The following EPS15L1 variants were observed in gnomAD, a reference collection of about 807,000 sequenced individuals.
EPS15L1 encodes epidermal growth factor receptor pathway substrate 15 like 1.
In EPS15L1, 43 loss-of-function variants were observed where a neutral mutation model predicts 117.1. The observed-to-expected ratio is 0.37, with a 90% CI of 0.29 to 0.47. The LOEUF is 0.47. Among genes scored for constraint, EPS15L1 ranks in the 20% least tolerant of loss-of-function variants. EPS15L1 has a pLI of 0.99. For missense variants in EPS15L1, 981 were observed against 1,164.0 expected, an observed-to-expected ratio of 0.84 and a Z score of 2.29; for synonymous variants, 459 against 470.5, an observed-to-expected ratio of 0.98 and a Z score of 0.32.
chr19:16,444,669 A>C (rs1349776190), intron 1 of EPS15L1, among the ~76,000 whole-genome samples: 3 of 152,016 alleles, frequency 2.0e-5, no homozygotes, highest in Admixed American at 2.0e-4. Context: ...CAGATGACAA[A>C]GGTGCCCTTC....
chr19:16,413,321 G>T, intron 13 of EPS15L1: 1 of 678,332 alleles, frequency 1.5e-6, no homozygotes. Flanking sequence ...CAGCACCTGT[G>T]TCCAAGAAGC....
At position 16,422,971 on chromosome 19, in the gene EPS15L1, G is replaced by A. The variant is rs200835104; in HGVS notation, c.793-1495C>T. 2.9e-3 allele frequency among the ~76,000 whole-genome samples: 291 copies of A among 100,628 alleles called. 2 individuals are homozygous for A. Among genetic ancestry groups the A allele is most frequent in the African/African-American group, 0.011 (271 of 24,658 alleles). 66.0% of individuals were successfully genotyped at this position (100,628 alleles called of 152,430 possible). On this transcript the variant is annotated intron_variant, in intron 9 of 23. Coordinates refer to ENST00000455140, the MANE Select transcript of EPS15L1 (RefSeq NM_001258374.3). ...AGACTCCGTCTCGGGGAAAAAAAAA[G>A]GGGGGGGGGATTTCTCAAAGAGTTC...
rs2092984021 is a variant in EPS15L1, at chr19:16,436,966, G to C, written c.343C>G (p.Pro115Ala). 2 of 1,614,014 alleles carry C rather than the reference G, an allele frequency of 1.2e-6. No homozygotes were observed. Among genetic ancestry groups the C allele is most frequent in the Non-Finnish European group, 1.7e-6 (2 of 1,179,972 alleles). Residue 115 changes from proline to alanine, a missense_variant, in exon 6 of 24, where the codon CCC becomes GCC. This residue lies in a region of EPS15L1 where 52 missense variants were observed against 53.1 expected (regional missense o/e 0.98). Coordinates refer to ENST00000455140, the MANE Select transcript of EPS15L1 (RefSeq NM_001258374.3). The stretch of plus-strand genomic sequence containing the variant: ...ACAGCCCAGTGGGCCTCTGCAGAGG[G>C]CGGTGTGACCATCAGAGGGCTGCTG... ...DTSSPLMVTP[P>A]SAEAHWAVRV...
intron 5 of EPS15L1, among the ~76,000 whole-genome samples, chr19:16,437,479 G>T (rs983012605): frequency 1.3e-5 from 2 of 152,210 alleles, no homozygotes; most frequent in African/African-American, 4.8e-5. Context: ...CCAGCGACTG[G>T]GAGGGGGAGA....
In EPS15L1 at chr19:16,355,610, C is replaced by G. The variant is rs1213285598; in HGVS notation, c.*95G>C. The G allele has an allele frequency of 1.4e-5, 20 of 1,403,770 alleles. No homozygotes were observed. Among genetic ancestry groups the G allele is most frequent in the Non-Finnish European group, 1.9e-5 (20 of 1,051,696 alleles). 87.0% of individuals were successfully genotyped at this position (1,403,770 alleles called of 1,614,324 possible). A position where few individuals can be genotyped will look rare whatever the true frequency, so the allele number is the denominator to read the frequency against. On this transcript the variant is annotated 3_prime_UTR_variant, in exon 24 of 24. Coordinates refer to ENST00000455140, the MANE Select transcript of EPS15L1 (RefSeq NM_001258374.3). ...CCCCCGAGTCCCGGTCCTTGGAGTA[C>G]GGTGGCGACGGTGTGTGTGTGTATA...
chr19:16,407,078 CT>C (rs1191339711), intron 13 of EPS15L1, among the ~76,000 whole-genome samples: 1 of 152,228 alleles, frequency 6.6e-6, no homozygotes, highest in Non-Finnish European at 1.5e-5. Context: ...GCCTCCTGAA[CT>C]GTGAGCAGTA....
intron 12 of EPS15L1, 39 bp downstream of exon 12, chr19:16,417,513 A>C (rs758552953): frequency 1.3e-6 from 2 of 1,531,588 alleles, no homozygotes; most frequent in Admixed American, 3.4e-5. Flanking sequence ...GAGTTCGTGT[A>C]ACATCTGGAT....
intron 10 of EPS15L1, among the ~76,000 whole-genome samples, 191 bp from the exon 11 acceptor site, chr19:16,418,295 G>C (rs763768683): frequency 6.6e-6 from 1 of 152,094 alleles, no homozygotes; most frequent in African/African-American, 2.4e-5. Flanking sequence ...CGCTCCCAGT[G>C]TCCCCCACCC....
chr19:16,400,890 T>C, intron 16 of EPS15L1: 2 of 985,368 alleles, frequency 2.0e-6, no homozygotes, highest in Non-Finnish European at 2.4e-6. Context: ...TCTAAAAACC[T>C]GCAAAAGGGA....
At chr19:16,432,343 C>T (rs1024618072) in intron 7 of EPS15L1, among the ~76,000 whole-genome samples, 12 of 151,908 alleles carry the variant, frequency 7.9e-5, no homozygotes, top group African/African-American at 2.7e-4. Context: ...CCAAGGCAGG[C>T]GGATAATGAG....
At chr19:16,420,371 T>A (rs576107384) in intron 10 of EPS15L1, among the ~76,000 whole-genome samples, 1 of 152,328 alleles carries the variant, frequency 6.6e-6, no homozygotes, top group African/African-American at 2.4e-5. Context: ...AGGAACTGTA[T>A]GTGTGTTGGT....
At chr19:16,436,185 T>C (rs1394569857) in intron 6 of EPS15L1, among the ~76,000 whole-genome samples, 1 of 152,128 alleles carries the variant, frequency 6.6e-6, no homozygotes, top group Non-Finnish European at 1.5e-5. Context: ...CGTGTAAACA[T>C]GGGACGAAAG....
In EPS15L1 at chr19:16,406,942, G is replaced by A. The variant is rs555856932; in HGVS notation, c.1267-2193C>T. Among the ~76,000 whole-genome samples, 57 of 152,318 alleles carry A rather than the reference G, an allele frequency of 3.7e-4. 1 individual carries two copies. In the South Asian group the frequency reaches 0.011, roughly 30 times the overall value. On this transcript the variant is annotated intron_variant, in intron 13 of 23. Transcript: ENST00000455140. Reference sequence around the variant, plus strand: ...GTGGGATTAGTGGCCTTATAAAAGAGGCCCCTGAGAGCTGCCTCGATCTTT... The same window carrying A: ...GTGGGATTAGTGGCCTTATAAAAGAAGCCCCTGAGAGCTGCCTCGATCTTT...
At position 16,471,928 on chromosome 19, in the gene EPS15L1, G is replaced by A. The variant is rs913363053; in HGVS notation, c.18C>T (p.Ile6=). The part of the protein sequence containing the change: MAAPL[I]PLSQQIPTGN... ...CGGCCCGTACCTGCTGGGAGAGGGGGATGAGCGGCGCCGCCATCTTCCCGC... is the reference window on the plus strand; with the variant it reads ...CGGCCCGTACCTGCTGGGAGAGGGGAATGAGCGGCGCCGCCATCTTCCCGC... The change falls in exon 1 of 24, where the codon ATC becomes ATT. Residue 6 remains isoleucine (I), a synonymous_variant. Transcript: ENST00000455140. The surrounding 1 kb of genome is among the most constrained non-coding windows in gnomAD (Gnocchi z 4.8). 18 of 1,295,792 alleles carry A rather than the reference G, an allele frequency of 1.4e-5. No individual in the cohort carries two copies. Among genetic ancestry groups the A allele is most frequent in the African/African-American group, 4.6e-5 (3 of 64,722 alleles). 80.3% of individuals were successfully genotyped at this position (1,295,792 alleles called of 1,614,324 possible).
intron 6 of EPS15L1, 124 bp from the exon 7 acceptor site, chr19:16,434,614 C>CA: frequency 9.8e-7 from 1 of 1,018,746 alleles, no homozygotes; most frequent in Non-Finnish European, 1.4e-6. Context: ...GCTAAAAGCA[C>CA]AAAATGATCT....
chr19:16,368,097 A>C (rs2144660937), intron 22 of EPS15L1, among the ~76,000 whole-genome samples: 1 of 152,312 alleles, frequency 6.6e-6, no homozygotes, highest in South Asian at 2.1e-4. Flanking sequence ...TACAAAAACA[A>C]AAAGAAAACA....
chr19:16,449,818 G>GA (rs2093122424), intron 1 of EPS15L1, among the ~76,000 whole-genome samples: 1 of 152,150 alleles, frequency 6.6e-6, no homozygotes. Context: ...ACTCAGCAAT[G>GA]AAAAGGAATG....
At chr19:16,458,188 T>C (rs541287446) in intron 1 of EPS15L1, among the ~76,000 whole-genome samples, 2 of 152,222 alleles carry the variant, frequency 1.3e-5, no homozygotes, top group Admixed American at 1.3e-4. Context: ...GTCAGTGCCA[T>C]GCCACCTTCC....
intron 22 of EPS15L1, among the ~76,000 whole-genome samples, chr19:16,373,481 T>C (rs1482960224): frequency 7.2e-6 from 1 of 139,336 alleles, no homozygotes; most frequent in Non-Finnish European, 1.6e-5. Context: ...ACTTTATGCT[T>C]AAAAAAAAAA....
Sources: allele counts gnomAD v4.1 joint callset (sites outside exome capture counted in the v4.1 genomes callset), GRCh38; gene constraint gnomAD v4.1.1; regional missense constraint gnomAD v4.1.1; non-coding constraint Gnocchi (gnomAD v3.1); transcripts MANE v1.5; gene names NCBI Gene and HGNC (gene_info 2026-07-23, HGNC 2026-07-21).